The following PPCS variants were observed in gnomAD, a reference collection of about 807,000 sequenced individuals.
The protein encoded by PPCS is phosphopantothenoylcysteine synthetase.
PPCS carries 17 observed loss-of-function variants against 24.6 expected under a neutral mutation model. The observed-to-expected ratio is 0.69, with a 90% CI of 0.47 to 1.04. The LOEUF (loss-of-function observed/expected upper bound fraction) is 1.04. PPCS is among the 50% of genes least tolerant of loss of function. The pLI, the probability that PPCS is intolerant of heterozygous loss-of-function variation, is 0.00. For synonymous variants in PPCS, 190 were observed against 168.3 expected (o/e 1.13, Z -1.00); for missense variants, 360 against 402.8 (o/e 0.89, Z 0.91).
intron 2 of PPCS, among the ~76,000 whole-genome samples, chr1:42,457,746 A>C (rs1054763850): frequency 2.6e-5 from 4 of 152,144 alleles, no homozygotes; most frequent in African/African-American, 7.2e-5. Context: ...TGAGGTCAGG[A>C]GTTCGAGACC....
At position 42,461,010 on chromosome 1, in the gene PPCS, G is replaced by A. The variant is rs1287679490; in HGVS notation, c.*1084G>A. Among the ~76,000 whole-genome samples, 3 of 152,180 alleles carry A rather than the reference G, an allele frequency of 2.0e-5. No individual in the cohort carries two copies. Among genetic ancestry groups the A allele is most frequent in the Non-Finnish European group, 4.4e-5 (3 of 68,036 alleles). On this transcript the variant is annotated 3_prime_UTR_variant, in exon 3 of 3. Coordinates refer to ENST00000372561, the MANE Select transcript of PPCS (RefSeq NM_024664.4). Reference sequence around the variant, plus strand: ...CTGTCCTACGTTTTGGGTTTGGAGTGCACAAGTAGCATAGTGCAAAAAAAT... The same window carrying A: ...CTGTCCTACGTTTTGGGTTTGGAGTACACAAGTAGCATAGTGCAAAAAAAT...
At chr1:42,468,817 G>A (rs1329065052) in intron 2 of PPCS, 1 of 152,160 alleles carries the variant, frequency 6.6e-6, no homozygotes, top group African/African-American at 2.4e-5. Context: ...GCGAAGCCAA[G>A]GTTTGAGCCA....
At position 42,459,550 on chromosome 1, in the gene PPCS, C is replaced by G. The variant is rs1643346962; in HGVS notation, c.613-53C>G. The G allele has an allele frequency of 4.9e-6, 7 of 1,416,122 alleles. No individual in the cohort carries two copies. In the Admixed American group the frequency reaches 8.0e-5, roughly 16 times the overall value. The allele number at this position is 1,416,122 out of a possible 1,614,324, so 87.7% of individuals were successfully genotyped here. A position where few individuals can be genotyped will look rare whatever the true frequency, so the allele number is the denominator to read the frequency against. On this transcript the variant is annotated intron_variant, in intron 2 of 2. Coordinates refer to ENST00000372561, the MANE Select transcript of PPCS (RefSeq NM_024664.4). ...TTCCTTAGTTTCCCATGAGATTGAC[C>G]TGGTAGGTAATGACCATTGTTTGCT...
At chr1:42,473,194 G>A in exon 3 of PPCS, 2 of 1,231,204 alleles carry the variant, frequency 1.6e-6, no homozygotes, top group East Asian at 6.3e-5. Context: ...TACTACAGAA[G>A]AACAACTCTG....
At chr1:42,465,603 G>A (rs1449180685), downstream of PPCS, among the ~76,000 whole-genome samples, 1 of 152,126 alleles carries the variant, frequency 6.6e-6, no homozygotes, top group Non-Finnish European at 1.5e-5. Context: ...GACCCCAGGT[G>A]ATCCGCCCAC....
chr1:42,461,637 C>T (rs111409266), downstream of PPCS, among the ~76,000 whole-genome samples: 30,285 of 151,198 alleles, frequency 0.2, 3,307 homozygotes, highest in South Asian at 0.42. Flanking sequence ...AGCTCTGCCT[C>T]CCGGGTTCAC....
intron 2 of PPCS, among the ~76,000 whole-genome samples, chr1:42,466,768 T>C (rs1159787445): frequency 6.6e-6 from 1 of 152,106 alleles, no homozygotes; most frequent in Non-Finnish European, 1.5e-5. Flanking sequence ...GCCAGGCCAG[T>C]CTTGAACTCC....
Position 42,457,250 on chromosome 1 carries a change from C to A in PPCS, c.512C>A (p.Pro171His), listed in dbSNP as rs1249638252. ...AAAQALNPLG[P>H]SAMFYLAAAV... is the part of the protein sequence containing the mutation. Reference sequence around the variant, plus strand: ...CACCTTGTGTTTCTCTTTGCAGGCCCTTCTGCGATGTTTTACCTGGCTGCG... The same window carrying A: ...CACCTTGTGTTTCTCTTTGCAGGCCATTCTGCGATGTTTTACCTGGCTGCG... Residue 171 changes from proline to histidine, a missense_variant, in exon 2 of 3, where the codon CCT becomes CAT. Physicochemically the swap from Pro to His is moderately conservative, Grantham distance 77 (BLOSUM62 -2). Transcript: ENST00000372561. 4.3e-6 allele frequency: 7 copies of A among 1,614,180 alleles called. No homozygotes were observed. The highest frequency in any genetic ancestry group is 5.9e-6 in the Non-Finnish European group (7 of 1,180,034).
chr1:42,457,184 A>C (rs1334604612), intron 1 of PPCS, 63 bp from the exon 2 acceptor site: 5 of 1,606,806 alleles, frequency 3.1e-6, no homozygotes, highest in Non-Finnish European at 4.3e-6. Context: ...ACCCGAGTTG[A>C]GAAGGAGCTG....
chr1:42,469,940 C>G (rs557798573), intron 2 of PPCS, among the ~76,000 whole-genome samples: 1 of 152,272 alleles, frequency 6.6e-6, no homozygotes, highest in African/African-American at 2.4e-5. Context: ...AGAAGCTTGG[C>G]TCAGACCAGA....
upstream of PPCS, chr1:42,456,456 G>C: frequency 8.7e-7 from 1 of 1,155,524 alleles, no homozygotes; most frequent in Non-Finnish European, 1.2e-6. Flanking sequence ...GTCAAAAGAA[G>C]GGTAGTGAAC....
In PPCS at chr1:42,456,860, C is replaced by T. The variant is rs1643213063; in HGVS notation, c.295C>T (p.Gln99Ter). 1 of 1,613,396 alleles carries T rather than the reference C, an allele frequency of 6.2e-7. No homozygotes were observed. Among genetic ancestry groups the T allele is most frequent in the Admixed American group, 1.7e-5 (1 of 60,018 alleles). ...AFPYAHRFPP[Q>*]TWLSALRPSG... ...CCCCTATGCCCACCGCTTCCCACCC[C>T]AGACTTGGCTGTCCGCTCTGCGGCC... Residue 99 changes from glutamine (Q) to a stop codon, truncating the protein, a stop_gained, in exon 1 of 3, where the codon CAG (glutamine) becomes TAG (stop). Transcript: ENST00000372561. LOFTEE classifies it high-confidence loss of function.
At chr1:42,471,257 C>T (rs1253687429) in intron 2 of PPCS, among the ~76,000 whole-genome samples, 1 of 152,148 alleles carries the variant, frequency 6.6e-6, no homozygotes, top group Non-Finnish European at 1.5e-5. Flanking sequence ...ATCCTGATCC[C>T]CTTTTCCTTT....
intron 2 of PPCS, among the ~76,000 whole-genome samples, chr1:42,472,330 C>T (rs1222297381): frequency 6.6e-6 from 1 of 152,150 alleles, no homozygotes; most frequent in East Asian, 1.9e-4. Context: ...CTTTCATATA[C>T]TGTCATACTG....
In PPCS at chr1:42,456,674, GTGGTGTT is replaced by G; in HGVS notation, c.110_116del (p.Val37GlyfsTer36). 1 of 1,604,566 alleles carries G rather than the reference GTGGTGTT, an allele frequency of 6.2e-7. No individual in the cohort carries two copies. The highest frequency in any genetic ancestry group is 8.5e-7 in the Non-Finnish European group (1 of 1,177,558). On this transcript the variant is annotated frameshift_variant, in exon 1 of 3. Transcript: ENST00000372561. LOFTEE classifies it high-confidence loss of function. ...CAGGCTGGGCGCGCAGGGCCGGCGGGTGGTGTTGGTTACGTCAGGCGGCACCAAGGTC... is the reference window on the plus strand; with the variant it reads ...CAGGCTGGGCGCGCAGGGCCGGCGGGGGTTACGTCAGGCGGCACCAAGGTC...
chr1:42,456,888 C>A lies in PPCS; in HGVS notation c.323C>A (p.Ser108Ter). The change falls in exon 1 of 3, where the codon TCG becomes TAG. Residue 108 changes from serine to a stop codon, truncating the protein, a stop_gained. Transcript: ENST00000372561. LOFTEE classifies it high-confidence loss of function. ...PQTWLSALRPSGPALSGLLSL... is the reference protein window; with the variant it reads ...PQTWLSALRP ...ACTTGGCTGTCCGCTCTGCGGCCTT[C>A]GGGCCCAGCCCTTTCGGGCTTGCTG... is the stretch of plus-strand genomic sequence containing the variant. The A allele has an allele frequency of 6.2e-7, 1 of 1,612,742 alleles. No individual in the cohort carries two copies. Among genetic ancestry groups the A allele is most frequent in the Non-Finnish European group, 8.5e-7 (1 of 1,179,890 alleles).
intron 2 of PPCS, chr1:42,473,056 A>C (rs1209532116): frequency 8.2e-7 from 1 of 1,216,308 alleles, no homozygotes; most frequent in African/African-American, 1.6e-5. Flanking sequence ...ACCCACATAG[A>C]TATCTTGCAT....
chr1:42,463,313 C>G (rs1316151398), downstream of PPCS: 6 of 152,272 alleles, frequency 3.9e-5, no homozygotes, highest in Non-Finnish European at 8.8e-5. Context: ...TCCGTAGGCA[C>G]CTGCAGCTAG....
In PPCS at chr1:42,460,028, A is replaced by G. The variant is rs1643368224; in HGVS notation, c.*102A>G. The G allele has an allele frequency of 3.5e-6, 5 of 1,448,734 alleles. No individual in the cohort carries two copies. The East Asian group carries it at 1.2e-4, about 35-fold the overall frequency. The allele number at this position is 1,448,734 out of a possible 1,614,324, so 89.7% of individuals were successfully genotyped here. A position where few individuals can be genotyped will look rare whatever the true frequency, so the allele number is the denominator to read the frequency against. ...TTCATATGGACAGATAAAATGAAAG[A>G]AAGGGAAAAGGCAGTGGTGTGTAGG... On this transcript the variant is annotated 3_prime_UTR_variant, in exon 3 of 3. Coordinates refer to ENST00000372561, the MANE Select transcript of PPCS (RefSeq NM_024664.4).
Sources: gnomAD v4.1 joint callset for allele counts (sites outside exome capture counted in the v4.1 genomes callset) on GRCh38, gnomAD v4.1.1 for gene constraint, MANE v1.5 for transcripts, NCBI Gene and HGNC (gene_info 2026-07-23, HGNC 2026-07-21) for gene names.